The following BAZ1A variants were observed in gnomAD, a reference collection of about 807,000 sequenced individuals.
BAZ1A encodes bromodomain adjacent to zinc finger domain 1A.
BAZ1A carries 50 observed loss-of-function variants against 185.2 expected under a neutral mutation model. That is an observed-to-expected ratio of 0.27 (90% CI 0.22 to 0.34). The LOEUF (loss-of-function observed/expected upper bound fraction) is 0.34. Ranked by LOEUF, BAZ1A falls within the 10% of genes least tolerant of loss-of-function variation. The pLI, the probability that BAZ1A is intolerant of heterozygous loss-of-function variation, is 1.00. For synonymous variants in BAZ1A, 571 were observed against 615.6 expected (o/e 0.93, Z 1.07); for missense variants, 1,356 against 1,839.9 (o/e 0.74, Z 4.81).
chr14:34,809,959 A>G (rs2041907065), intron 5 of BAZ1A, among the ~76,000 whole-genome samples: 1 of 152,204 alleles, frequency 6.6e-6, no homozygotes, highest in South Asian at 2.1e-4. Context: ...TTTTGAATAT[A>G]AAGTAAAATG....
At chr14:34,774,542 A>G (rs752750726) in intron 18 of BAZ1A, 52 bp from the exon 19 acceptor site, 14 of 1,444,088 alleles carry the variant, frequency 9.7e-6, no homozygotes, top group African/African-American at 1.4e-5. Flanking sequence ...AAAAACTACA[A>G]TTACTCCATG....
chr14:34,762,092 G>T lies in BAZ1A; in HGVS notation c.3908C>A (p.Pro1303His), dbSNP rs768831463. 4 of 1,614,142 alleles carry T rather than the reference G, an allele frequency of 2.5e-6. No individual in the cohort carries two copies. In the South Asian group the frequency reaches 3.3e-5, roughly 13 times the overall value. Reference protein sequence around the residue: ...RYPSRSQQSTPKTTVSSKTGR... With the variant: ...RYPSRSQQSTHKTTVSSKTGR... ...AGTTTTAGAAGAAACAGTTGTTTTGGGTGTGCTCTGCTGACTCCTTGAAGG... is the reference window on the plus strand; with the variant it reads ...AGTTTTAGAAGAAACAGTTGTTTTGTGTGTGCTCTGCTGACTCCTTGAAGG... Residue 1303 changes from proline (P) to histidine (H), a missense_variant, in exon 24 of 27, where the codon CCC (proline) becomes CAC (histidine). This residue lies in a region of BAZ1A where 309 missense variants were observed against 355.3 expected (regional missense o/e 0.87). Transcript: ENST00000360310.
chr14:34,816,810 T>C (rs1566577541), intron 4 of BAZ1A: 1 of 444,276 alleles, frequency 2.3e-6, no homozygotes, highest in Middle Eastern at 3.3e-4. Context: ...TCCAGAGAAT[T>C]TGTGATTGTA....
chr14:34,773,805 T>A (rs1879400572), intron 19 of BAZ1A, 79 bp from the exon 20 acceptor site: 1 of 1,296,778 alleles, frequency 7.7e-7, no homozygotes, highest in South Asian at 1.3e-5. Flanking sequence ...AATATGCATA[T>A]AAAATCAATT....
chr14:34,785,382 T>TA (rs879508754), intron 14 of BAZ1A, among the ~76,000 whole-genome samples: 30 of 152,258 alleles, frequency 2.0e-4, no homozygotes, highest in African/African-American at 4.6e-4. Context: ...TGCAATTTTT[T>TA]AAAAAAAGGA....
chr14:34,832,397 C>T (rs758651783), intron 3 of BAZ1A, among the ~76,000 whole-genome samples: 13 of 149,902 alleles, frequency 8.7e-5, no homozygotes, highest in Non-Finnish European at 1.8e-4. Flanking sequence ...CCAGAATTAC[C>T]CTGATACCCA....
intron 7 of BAZ1A, 40 bp downstream of exon 7, chr14:34,802,814 C>G (rs1881636508): frequency 6.3e-7 from 1 of 1,575,242 alleles, no homozygotes; most frequent in Non-Finnish European, 8.7e-7. Context: ...TACTGTTTTA[C>G]TAACAGTGAA....
chr14:34,863,353 G>T (rs529501900), intron 2 of BAZ1A, among the ~76,000 whole-genome samples: 100 of 151,660 alleles, frequency 6.6e-4, no homozygotes, highest in African/African-American at 2.2e-3. Flanking sequence ...AGTAGAGACG[G>T]GGTTTCTCCA....
intron 9 of BAZ1A, among the ~76,000 whole-genome samples, chr14:34,798,778 C>T (rs8019098): frequency 0.58 from 87,744 of 151,964 alleles, 25,618 homozygotes; most frequent in South Asian, 0.67. Flanking sequence ...GCTTTTACAC[C>T]GTTGGCTGGA....
rs375436026 is a variant in BAZ1A at position 34,800,359 on chromosome 14, T to G, written c.993A>C (p.Lys331Asn). ...AFEKAKLKRE[K>N]ADALEAKKKE... ...TTTTCTTCGCTTCTAGGGCATCTGC[T>G]TTTTCTCTTTTTAATTTAGCCTTTT... The change falls in exon 9 of 27, where the codon AAA becomes AAC. Residue 331 changes from lysine to asparagine, a missense_variant. Transcript: ENST00000360310. 5.2e-6 allele frequency: 8 copies of G among 1,547,562 alleles called. No homozygotes were observed. In the East Asian group the frequency reaches 1.9e-4, roughly 36 times the overall value.
chr14:34,770,544 A>T (rs1003974845), intron 21 of BAZ1A, among the ~76,000 whole-genome samples: 1 of 152,252 alleles, frequency 6.6e-6, no homozygotes, highest in African/African-American at 2.4e-5. Flanking sequence ...TTCTTCCATG[A>T]TCCCATTACA....
At chr14:34,848,799 A>T (rs2042555030) in intron 3 of BAZ1A, among the ~76,000 whole-genome samples, 1 of 152,190 alleles carries the variant, frequency 6.6e-6, no homozygotes, top group African/African-American at 2.4e-5. Context: ...AAACTGATGC[A>T]AATCCAATTC....
intron 21 of BAZ1A, 135 bp from the exon 22 acceptor site, chr14:34,765,403 C>T: frequency 8.7e-7 from 1 of 1,142,922 alleles, no homozygotes; most frequent in Non-Finnish European, 1.2e-6. Flanking sequence ...AAAGACCATG[C>T]TGATATTAAA....
At chr14:34,856,464 T>C (rs1356000064) in intron 3 of BAZ1A, among the ~76,000 whole-genome samples, 5 of 152,052 alleles carry the variant, frequency 3.3e-5, no homozygotes, top group African/African-American at 1.2e-4. Flanking sequence ...ATTTTTTAAT[T>C]TTTGTAGAGA....
chr14:34,759,184 T>TTTTGTTTTTTTTTG lies in BAZ1A; in HGVS notation c.4244-339_4244-338insCAAAAAAAAACAAA, dbSNP rs1555336962. Among the ~76,000 whole-genome samples, 81 of 108,106 alleles carry TTTTGTTTTTTTTTG rather than the reference T, an allele frequency of 7.5e-4. 3 individuals are homozygous for TTTTGTTTTTTTTTG. The East Asian group carries it at 0.012, about 17-fold the overall frequency. 70.9% of individuals were successfully genotyped at this position (108,106 alleles called of 152,430 possible). On this transcript the variant is annotated intron_variant, in intron 24 of 26. Transcript: ENST00000360310. ...TTTACAGCTACAGTTTTTTTTTTTTTTTTTTTTTTTTTTTGAGATGGAGTC... is the reference window on the plus strand; with the variant it reads ...TTTACAGCTACAGTTTTTTTTTTTTTTTTGTTTTTTTTTGTTTTTTTTTTTTTTGAGATGGAGTC...
intron 3 of BAZ1A, among the ~76,000 whole-genome samples, chr14:34,856,974 T>C (rs2042691081): frequency 6.6e-6 from 1 of 150,960 alleles, no homozygotes; most frequent in South Asian, 2.1e-4. Context: ...ATGGCTAAAC[T>C]GATACATTAC....
intron 21 of BAZ1A, among the ~76,000 whole-genome samples, chr14:34,765,724 C>G (rs1250168858): frequency 6.6e-6 from 1 of 152,028 alleles, no homozygotes; most frequent in African/African-American, 2.4e-5. Flanking sequence ...TAAGTAAAAA[C>G]AATGTTAATA....
intron 9 of BAZ1A, 142 bp from the exon 10 acceptor site, chr14:34,795,907 A>T (rs947300646): frequency 1.7e-6 from 1 of 593,902 alleles, no homozygotes; most frequent in African/African-American, 1.9e-5. Flanking sequence ...GTTAGGACTT[A>T]GCAACTGGTG....
chr14:34,791,146 G>GA (rs1555339954), intron 12 of BAZ1A, among the ~76,000 whole-genome samples: 2 of 72,114 alleles, frequency 2.8e-5, no homozygotes, highest in Non-Finnish European at 6.6e-5. Context: ...AAAGAGAAGA[G>GA]AAAAGAGAAG....
Sources: allele counts gnomAD v4.1 joint callset (sites outside exome capture counted in the v4.1 genomes callset), GRCh38; gene constraint gnomAD v4.1.1; regional missense constraint gnomAD v4.1.1; transcripts MANE v1.5; gene names NCBI Gene and HGNC (gene_info 2026-07-23, HGNC 2026-07-21).